Variants in GPC5 observed in about 807,000 individuals in gnomAD.
GPC5 encodes the protein glypican-5.
Under a neutral mutation model 53.9 loss-of-function variants are expected in GPC5, and 47 were observed. The ratio of observed to expected loss-of-function variants is 0.87; its 90% CI spans 0.69 to 1.11. GPC5 has a LOEUF of 1.11. Among genes scored for constraint, GPC5 ranks in the 50% most tolerant of loss-of-function variants. GPC5 has a pLI of 0.00. For missense variants in GPC5, 748 were observed against 713.1 expected, an observed-to-expected ratio of 1.05 and a Z score of -0.56; for synonymous variants, 286 against 263.3, an observed-to-expected ratio of 1.09 and a Z score of -0.84.
intron 5 of GPC5, among the ~76,000 whole-genome samples, chr13:91,766,765 C>G (rs180724676): frequency 6.6e-6 from 1 of 152,188 alleles, no homozygotes; most frequent in African/African-American, 2.4e-5. Context: ...GTGGCTGAGG[C>G]AGGAAAATTG....
chr13:91,434,781 A>G (rs896126270), intron 1 of GPC5, among the ~76,000 whole-genome samples: 1 of 152,272 alleles, frequency 6.6e-6, no homozygotes. Flanking sequence ...CTTGGGCAGT[A>G]TGGCCATTTT....
intron 2 of GPC5, among the ~76,000 whole-genome samples, chr13:91,527,968 C>T (rs1886164862): frequency 6.6e-6 from 1 of 152,214 alleles, no homozygotes; most frequent in Non-Finnish European, 1.5e-5. Context: ...CTGGGCCTGA[C>T]CCATGAAACA....
rs190043290 is a variant in GPC5, at chr13:92,742,967, C to T, written c.1562-123315C>T. On this transcript the variant is annotated intron_variant, in intron 7 of 7. Coordinates refer to ENST00000377067, the MANE Select transcript of GPC5 (RefSeq NM_004466.6). The stretch of plus-strand genomic sequence containing the variant: ...TCTCTGTTTTGGTACCAGTACCATG[C>T]TGTTTTCATTACTGTAGCCTTGTAG... Among the ~76,000 whole-genome samples, 174 of 152,172 alleles carry T rather than the reference C, an allele frequency of 1.1e-3. 4 individuals are homozygous for T. Among genetic ancestry groups the T allele is most frequent in the African/African-American group, 4.1e-3 (170 of 41,526 alleles).
intron 2 of GPC5, among the ~76,000 whole-genome samples, chr13:91,528,202 A>G (rs1460517655): frequency 6.6e-6 from 1 of 152,156 alleles, no homozygotes; most frequent in East Asian, 1.9e-4. Flanking sequence ...TCCCTTTTAA[A>G]CATAAGTTAC....
intron 2 of GPC5, among the ~76,000 whole-genome samples, chr13:91,672,884 A>C (rs959780929): frequency 6.6e-6 from 1 of 152,212 alleles, no homozygotes; most frequent in African/African-American, 2.4e-5. Context: ...CAAATATACC[A>C]TGGAATACTA....
chr13:91,742,127 A>C (rs2036947393), intron 4 of GPC5, among the ~76,000 whole-genome samples: 2 of 152,200 alleles, frequency 1.3e-5, no homozygotes, highest in South Asian at 4.1e-4. Context: ...ACATGAGCTC[A>C]TGAGCTACAA....
At chr13:92,511,561 T>G (rs1300859476) in intron 7 of GPC5, among the ~76,000 whole-genome samples, 1 of 152,208 alleles carries the variant, frequency 6.6e-6, no homozygotes, top group Admixed American at 6.5e-5. Context: ...AAATGATACC[T>G]CTGTTGTTCA....
intron 2 of GPC5, among the ~76,000 whole-genome samples, chr13:91,587,165 G>A (rs1352397750): frequency 2.6e-5 from 4 of 151,940 alleles, no homozygotes; most frequent in African/African-American, 9.7e-5. Flanking sequence ...ATACTTATGC[G>A]TTAATAACGA....
chr13:91,879,490 A>G (rs967115085), intron 5 of GPC5, among the ~76,000 whole-genome samples: 7 of 152,210 alleles, frequency 4.6e-5, no homozygotes, highest in Non-Finnish European at 1.0e-4. Context: ...AGACCAAGGC[A>G]CTAGTCAGTT....
At chr13:91,510,625 CT>C (rs1885185476) in intron 2 of GPC5, among the ~76,000 whole-genome samples, 1 of 152,122 alleles carries the variant, frequency 6.6e-6, no homozygotes, top group Non-Finnish European at 1.5e-5. Flanking sequence ...GAAAAAATTT[CT>C]AAACATTTAT....
At chr13:92,628,237 T>C (rs1379297068) in intron 7 of GPC5, among the ~76,000 whole-genome samples, 14 of 148,388 alleles carry the variant, frequency 9.4e-5, no homozygotes, top group Non-Finnish European at 2.1e-4. Flanking sequence ...GAATCAATCC[T>C]ATTTTCTTTT....
chr13:92,842,030 C>A (rs534152147), intron 7 of GPC5, among the ~76,000 whole-genome samples: 1 of 152,218 alleles, frequency 6.6e-6, no homozygotes, highest in East Asian at 1.9e-4. Flanking sequence ...GTCTTCCATT[C>A]AAAAGAAGTT....
chr13:91,925,588 G>A (rs2039759237), intron 6 of GPC5, among the ~76,000 whole-genome samples: 1 of 152,142 alleles, frequency 6.6e-6, no homozygotes, highest in South Asian at 2.1e-4. Flanking sequence ...GAACTAGTCT[G>A]TTTTGAAGAA....
chr13:91,467,330 A>G (rs1566425213), intron 2 of GPC5, among the ~76,000 whole-genome samples: 1 of 152,186 alleles, frequency 6.6e-6, no homozygotes, highest in Non-Finnish European at 1.5e-5. Flanking sequence ...CTGGAGAGCT[A>G]AGTGATCCAC....
At chr13:92,683,920 C>T (rs1295598903) in intron 7 of GPC5, among the ~76,000 whole-genome samples, 2 of 152,116 alleles carry the variant, frequency 1.3e-5, no homozygotes, top group Non-Finnish European at 2.9e-5. Flanking sequence ...TCATTTTTAT[C>T]TGAAGTTCAT....
intron 7 of GPC5, among the ~76,000 whole-genome samples, chr13:92,691,491 G>A (rs1054643960): frequency 3.3e-5 from 5 of 150,396 alleles, no homozygotes; most frequent in Non-Finnish European, 7.4e-5. Context: ...GATGAACCCG[G>A]TACCTCAGAT....
At chr13:91,758,916 T>G (rs1236324290) in intron 5 of GPC5, among the ~76,000 whole-genome samples, 1 of 152,078 alleles carries the variant, frequency 6.6e-6, no homozygotes, top group African/African-American at 2.4e-5. Context: ...TCTCTTCCAT[T>G]TCTGTCTCAT....
intron 7 of GPC5, among the ~76,000 whole-genome samples, chr13:92,394,752 T>C (rs1048895760): frequency 6.6e-6 from 1 of 152,214 alleles, no homozygotes; most frequent in Non-Finnish European, 1.5e-5. Flanking sequence ...TTTATTATCA[T>C]ATGTATATAG....
intron 5 of GPC5, among the ~76,000 whole-genome samples, chr13:91,883,432 T>A (rs1343199635): frequency 6.6e-6 from 1 of 152,228 alleles, no homozygotes; most frequent in Non-Finnish European, 1.5e-5. Flanking sequence ...GTTTTTGGAC[T>A]ATGCTTAAAA....
Sources: allele counts gnomAD v4.1 joint callset (sites outside exome capture counted in the v4.1 genomes callset), GRCh38; gene constraint gnomAD v4.1.1; transcripts MANE v1.5; gene names NCBI Gene and HGNC (gene_info 2026-07-23, HGNC 2026-07-21).